The following ENOX2 variants were observed in gnomAD, a reference collection of about 807,000 sequenced individuals.
ENOX2 encodes the protein APK1 antigen.
In ENOX2, 36 loss-of-function variants were observed where a neutral mutation model predicts 45.0. That is an observed-to-expected ratio of 0.80 (90% CI 0.61 to 1.06). The LOEUF (loss-of-function observed/expected upper bound fraction) is 1.06. ENOX2 is among the 50% of genes least tolerant of loss of function. The pLI, the probability that ENOX2 is intolerant of heterozygous loss-of-function variation, is 0.00. For missense variants in ENOX2, 423 were observed against 462.5 expected, an observed-to-expected ratio of 0.91 and a Z score of 0.78; for synonymous variants, 174 against 152.3, an observed-to-expected ratio of 1.14 and a Z score of -1.05.
At chrX:130,775,763 A>G (rs2039842123) in intron 3 of ENOX2, among the ~76,000 whole-genome samples, 1 of 110,921 alleles carries the variant, frequency 9.0e-6, no homozygotes, top group African/African-American at 3.3e-5. Context: ...TCGATGCCAT[A>G]TTTTGTTCCT....
At position 130,624,531 on chromosome X, in the gene ENOX2, A is replaced by G. The variant is rs1208255224; in HGVS notation, c.*783T>C. 5 of 112,512 alleles carry G rather than the reference A, an allele frequency of 4.4e-5. No individual in the cohort carries two copies. The highest frequency in any genetic ancestry group is 1.3e-4 in the African/African-American group (4 of 30,906). The allele number at this position is 112,512 out of a possible 1,213,427, so 9.3% of individuals were successfully genotyped here. A position where few individuals can be genotyped will look rare whatever the true frequency, so the allele number is the denominator to read the frequency against. ...TGCGTGTGTGCCCACACATGAGCAT[A>G]TTTTAATTCACAGAAAACTGAACAT... On this transcript the variant is annotated 3_prime_UTR_variant, in exon 15 of 15. Transcript: ENST00000394363.
At chrX:130,896,957 A>C (rs1443314487) in intron 2 of ENOX2, among the ~76,000 whole-genome samples, 1 of 112,475 alleles carries the variant, frequency 8.9e-6, no homozygotes, top group Non-Finnish European at 1.9e-5. Context: ...TAACAATGCA[A>C]GAATATAGTG....
intron 2 of ENOX2, among the ~76,000 whole-genome samples, chrX:130,816,173 A>G (rs1330369494): frequency 3.6e-5 from 4 of 112,219 alleles, no homozygotes; most frequent in Admixed American, 1.9e-4. Flanking sequence ...GACAACGAAG[A>G]GCATTACAGT....
At chrX:130,653,145 A>C (rs778004400) in intron 10 of ENOX2, among the ~76,000 whole-genome samples, 1 of 111,526 alleles carries the variant, frequency 9.0e-6, no homozygotes, top group South Asian at 3.8e-4. Context: ...TTCCTCGAAA[A>C]TGACTCCTAG....
intron 2 of ENOX2, among the ~76,000 whole-genome samples, chrX:130,849,376 G>C (rs929266091): frequency 8.9e-6 from 1 of 111,823 alleles, no homozygotes; most frequent in African/African-American, 3.3e-5. Flanking sequence ...AAGGGATGGT[G>C]GGGTGGAGGG....
intron 3 of ENOX2, among the ~76,000 whole-genome samples, chrX:130,770,941 C>T (rs770578185): frequency 1.1e-4 from 12 of 112,270 alleles, no homozygotes; most frequent in Non-Finnish European, 1.7e-4. Context: ...CAAAGCAGCA[C>T]GATCATGGCT....
intron 12 of ENOX2, among the ~76,000 whole-genome samples, chrX:130,632,149 A>G (rs2035760792): frequency 9.0e-6 from 1 of 110,953 alleles, no homozygotes; most frequent in Admixed American, 9.7e-5. Context: ...ACTAAAAATT[A>G]GAGCTTATAT....
chrX:130,786,568 C>A (rs1171494627), intron 2 of ENOX2, among the ~76,000 whole-genome samples: 9 of 83,955 alleles, frequency 1.1e-4, no homozygotes, highest in Non-Finnish European at 2.1e-4. Context: ...CCCACCCCAC[C>A]ACAGTCCCCA....
intron 9 of ENOX2, among the ~76,000 whole-genome samples, chrX:130,660,982 G>T (rs772074602): frequency 2.7e-5 from 3 of 111,898 alleles, no homozygotes; most frequent in African/African-American, 9.7e-5. Flanking sequence ...GAAAATACAT[G>T]AAAAGAACCA....
At chrX:130,681,963 A>G (rs967012867) in intron 5 of ENOX2, among the ~76,000 whole-genome samples, 1 of 109,633 alleles carries the variant, frequency 9.1e-6, no homozygotes, top group African/African-American at 3.3e-5. Context: ...ACTCATATGG[A>G]TAGAGAAATC....
intron 2 of ENOX2, among the ~76,000 whole-genome samples, chrX:130,849,611 T>C (rs748725558): frequency 5.3e-5 from 6 of 112,179 alleles, no homozygotes; most frequent in Non-Finnish European, 1.1e-4. Context: ...TGTCAAGCAT[T>C]GGGCTGGTCA....
At chrX:130,656,741 G>T in intron 9 of ENOX2, 46 bp from the exon 10 acceptor site, 1 of 746,747 alleles carries the variant, frequency 1.3e-6, no homozygotes, top group Non-Finnish European at 2.1e-6. Flanking sequence ...CCTTGAAAAT[G>T]TTGAGGAAAT....
intron 3 of ENOX2, among the ~76,000 whole-genome samples, chrX:130,760,923 A>T (rs1325613246): frequency 1.9e-5 from 2 of 107,927 alleles, no homozygotes; most frequent in African/African-American, 6.7e-5. Context: ...TTGTTTGACA[A>T]AATTATGTGA....
chrX:130,810,504 C>T (rs1235687075), intron 2 of ENOX2, among the ~76,000 whole-genome samples: 1 of 111,947 alleles, frequency 8.9e-6, no homozygotes, highest in African/African-American at 3.3e-5. Context: ...TGCCCAGTGC[C>T]AGGCCAGCTC....
At chrX:130,715,172 A>G (rs761748130) in intron 3 of ENOX2, among the ~76,000 whole-genome samples, 2 of 111,226 alleles carry the variant, frequency 1.8e-5, no homozygotes, top group Non-Finnish European at 3.8e-5. Context: ...GTGTTGGGCT[A>G]TATTGTTGAC....
At chrX:130,684,000 G>C (rs921961484) in intron 5 of ENOX2, among the ~76,000 whole-genome samples, 6 of 111,992 alleles carry the variant, frequency 5.4e-5, no homozygotes, top group African/African-American at 1.6e-4. Flanking sequence ...TGGCTATTTA[G>C]TGGTGGAGAG....
intron 2 of ENOX2, among the ~76,000 whole-genome samples, chrX:130,871,668 C>T (rs1291533039): frequency 9.0e-6 from 1 of 110,889 alleles, no homozygotes; most frequent in Non-Finnish European, 1.9e-5. Context: ...TTTATCCTAT[C>T]CCAACACTAG....
chrX:130,679,801 C>T (rs1450981958), intron 5 of ENOX2, 53 bp from the exon 6 acceptor site: 8 of 974,139 alleles, frequency 8.2e-6, no homozygotes, highest in Non-Finnish European at 1.2e-5. Context: ...TTGGGACAGA[C>T]CTCTTCGAAA....
intron 14 of ENOX2, among the ~76,000 whole-genome samples, chrX:130,625,711 G>A (rs949580743): frequency 9.0e-6 from 1 of 111,436 alleles, no homozygotes; most frequent in Admixed American, 9.6e-5. Flanking sequence ...GGGTTTGTAA[G>A]AAGCTGAATG....
Sources: gnomAD v4.1 joint callset for allele counts (sites outside exome capture counted in the v4.1 genomes callset) on GRCh38, gnomAD v4.1.1 for gene constraint, MANE v1.5 for transcripts, NCBI Gene and HGNC (gene_info 2026-07-23, HGNC 2026-07-21) for gene names.